The following CACNA1I variants were observed in gnomAD, a reference collection of about 807,000 sequenced individuals.
CACNA1I encodes calcium voltage-gated channel subunit alpha1 I, also known as voltage-dependent T-type calcium channel subunit alpha-1I.
A neutral mutation model predicts 201.6 loss-of-function variants in CACNA1I; 74 were observed. That is an observed-to-expected ratio of 0.37 (90% CI 0.30 to 0.45). The LOEUF is 0.45. Among genes scored for constraint, CACNA1I ranks in the 20% least tolerant of loss-of-function variants. The pLI, the probability that CACNA1I is intolerant of heterozygous loss-of-function variation, is 1.00. For missense variants in CACNA1I, 2,346 were observed against 3,138.1 expected, an observed-to-expected ratio of 0.75 and a Z score of 6.03; for synonymous variants, 1,431 against 1,345.2, an observed-to-expected ratio of 1.06 and a Z score of -1.40.
Position 39,617,525 on chromosome 22 carries a change from G to A in CACNA1I, c.483-1785G>A, listed in dbSNP as rs550482127. ...GCTGGAGCTGGGCCTGGCTGCCTGC[G>A]ATGGGACTCGGCAGTCCTGGGCCCC... On this transcript the variant is annotated intron_variant, in intron 3 of 36. Transcript: ENST00000402142. 3.3e-5 allele frequency among the ~76,000 whole-genome samples: 5 copies of A among 152,242 alleles called. No homozygotes were observed. The East Asian group carries it at 9.7e-4, about 29-fold the overall frequency.
At position 39,641,117 on chromosome 22, in the gene CACNA1I, G is replaced by A. The variant is rs747408421; in HGVS notation, c.991G>A (p.Ala331Thr). 15 of 1,613,892 alleles carry A rather than the reference G, an allele frequency of 9.3e-6. No homozygotes were observed. Among genetic ancestry groups the A allele is most frequent in the East Asian group, 4.5e-5 (2 of 44,872 alleles). ...RYYNVCRTGS[A>T]NPHKGAINFD... ...CTACAATGTGTGCCGCACGGGCAGC[G>A]CCAACCCCCACAAGGGTGCCATCAA... The change falls in exon 6 of 37, where the codon GCC becomes ACC. Residue 331 changes from alanine to threonine, a missense_variant. This residue lies in a region of CACNA1I where 227 missense variants were observed against 412.5 expected (regional missense o/e 0.55). Transcript: ENST00000402142.
intron 1 of CACNA1I, among the ~76,000 whole-genome samples, chr22:39,582,179 C>T (rs1053757174): frequency 6.6e-6 from 1 of 152,194 alleles, no homozygotes; most frequent in South Asian, 2.1e-4. Flanking sequence ...TATGGATTGA[C>T]TCTCCCCAAG....
chr22:39,678,979 G>A, intron 31 of CACNA1I, 128 bp from the exon 32 acceptor site: 1 of 699,630 alleles, frequency 1.4e-6, no homozygotes, highest in Non-Finnish European at 2.4e-6. Context: ...GGGCAGGGCA[G>A]CCCGGGGCCA....
intron 31 of CACNA1I, among the ~76,000 whole-genome samples, chr22:39,678,759 G>A (rs768747351): frequency 1.2e-4 from 18 of 152,308 alleles, no homozygotes; most frequent in South Asian, 6.2e-4. Flanking sequence ...GGGAGGCCCT[G>A]GTCACGAATG....
intron 7 of CACNA1I, 60 bp downstream of exon 7, chr22:39,642,949 G>A: frequency 8.3e-7 from 1 of 1,199,478 alleles, no homozygotes; most frequent in East Asian, 2.5e-5. Flanking sequence ...CAGGGGACCT[G>A]AGGAGGGAGG....
chr22:39,664,230 C>A, intron 20 of CACNA1I, 71 bp downstream of exon 20: 2 of 1,256,190 alleles, frequency 1.6e-6, no homozygotes, highest in Non-Finnish European at 2.3e-6. Context: ...CAGCCCCTGC[C>A]TCAGCTTGTC....
intron 1 of CACNA1I, among the ~76,000 whole-genome samples, chr22:39,585,713 A>G (rs1397051117): frequency 7.1e-6 from 1 of 141,632 alleles, no homozygotes; most frequent in East Asian, 2.2e-4. Flanking sequence ...AAAAAAAAAA[A>G]AAAAACTTTT....
rs1230527703 is a variant in CACNA1I at position 39,664,722 on chromosome 22, C to T, written c.3667-17C>T. ...CCCTCCCGCGGCAGCCTGACCCCGGCCCCACCCCCGCCCCAGGTAGTCTCG... is the reference window on the plus strand; with the variant it reads ...CCCTCCCGCGGCAGCCTGACCCCGGTCCCACCCCCGCCCCAGGTAGTCTCG... On this transcript the variant is annotated splice_polypyrimidine_tract_variant and intron_variant, in intron 20 of 36. Coordinates refer to ENST00000402142, the MANE Select transcript of CACNA1I (RefSeq NM_021096.4). 3 of 782,816 alleles carry T rather than the reference C, an allele frequency of 3.8e-6. No homozygotes were observed. Among genetic ancestry groups the T allele is most frequent in the Non-Finnish European group, 6.0e-6 (3 of 498,468 alleles). 48.5% of individuals were successfully genotyped at this position (782,816 alleles called of 1,614,324 possible). A position where few individuals can be genotyped will look rare whatever the true frequency, so the allele number is the denominator to read the frequency against.
rs193157582 is a variant in CACNA1I, at chr22:39,676,156, C to T, written c.4855-1185C>T. On this transcript the variant is annotated intron_variant, in intron 29 of 36. Coordinates refer to ENST00000402142, the MANE Select transcript of CACNA1I (RefSeq NM_021096.4). The surrounding 1 kb of genome is among the most constrained non-coding windows in gnomAD (Gnocchi z 4.8). ...AGGGGACAGATAGAAAAGCTGACGGCAATCCTGGTTAAGAGATGCTGCCCC... is the reference window on the plus strand; with the variant it reads ...AGGGGACAGATAGAAAAGCTGACGGTAATCCTGGTTAAGAGATGCTGCCCC... Among the ~76,000 whole-genome samples, 1 of 152,316 alleles carries T rather than the reference C, an allele frequency of 6.6e-6. No individual in the cohort carries two copies. The highest frequency in any genetic ancestry group is 1.5e-5 in the Non-Finnish European group (1 of 68,034).
At chr22:39,595,363 C>A (rs1298428843) in intron 1 of CACNA1I, among the ~76,000 whole-genome samples, 1 of 151,966 alleles carries the variant, frequency 6.6e-6, no homozygotes, top group African/African-American at 2.4e-5. Flanking sequence ...ATGGCTCATG[C>A]CTGTAATCCC....
Position 39,679,362 on chromosome 22 carries a change from G to A in CACNA1I, c.5311G>A (p.Ala1771Thr), listed in dbSNP as rs1332700938. 8.5e-6 allele frequency: 13 copies of A among 1,535,458 alleles called. No individual in the cohort carries two copies. The East Asian group carries it at 1.5e-4, about 18-fold the overall frequency. Residue 1771 changes from alanine to threonine, a missense_variant, in exon 32 of 37, where the codon GCC becomes ACC. Coordinates refer to ENST00000402142, the MANE Select transcript of CACNA1I (RefSeq NM_021096.4). ...GPRLPTGSPG[A>T]PGRGPGGAGG... The stretch of plus-strand genomic sequence containing the variant: ...GAGGCTGCCTACCGGCTCCCCGGGC[G>A]CCCCTGGCCGAGGGCCGGGAGGGGC...
chr22:39,644,984 G>A (rs536625150), intron 7 of CACNA1I, among the ~76,000 whole-genome samples: 3 of 151,846 alleles, frequency 2.0e-5, no homozygotes, highest in South Asian at 4.2e-4. Context: ...CGCAGCCCCC[G>A]GCCCCCAGTG....
rs964515718 is a variant in CACNA1I, at chr22:39,689,343, A to T, written c.*2938A>T. The T allele has an allele frequency of 3.3e-5, 5 of 152,738 alleles. No homozygotes were observed. The highest frequency in any genetic ancestry group is 2.6e-4 in the Admixed American group (4 of 15,274). The allele number at this position is 152,738 out of a possible 1,614,324, so 9.5% of individuals were successfully genotyped here. On this transcript the variant is annotated 3_prime_UTR_variant, in exon 37 of 37. Transcript: ENST00000402142. Reference sequence around the variant, plus strand: ...AAAGCCCGTCTGCTGTCTTCCCCCAAATCCTCAGCTCAGAGCCTTCCGCTT... The same window carrying T: ...AAAGCCCGTCTGCTGTCTTCCCCCATATCCTCAGCTCAGAGCCTTCCGCTT...
chr22:39,654,697 G>C (rs998870231), intron 10 of CACNA1I, among the ~76,000 whole-genome samples: 2 of 152,160 alleles, frequency 1.3e-5, no homozygotes, highest in Non-Finnish European at 2.9e-5. Context: ...AGCAGTCATG[G>C]AAGGCTTCCT....
At chr22:39,622,728 G>A (rs997188205) in intron 4 of CACNA1I, among the ~76,000 whole-genome samples, 1 of 145,712 alleles carries the variant, frequency 6.9e-6, no homozygotes, top group Middle Eastern at 3.5e-3. Context: ...GTGGGAGAGG[G>A]ACTGCTGGGC....
chr22:39,585,648 A>G (rs921997983), intron 1 of CACNA1I, among the ~76,000 whole-genome samples: 1 of 147,288 alleles, frequency 6.8e-6, no homozygotes, highest in African/African-American at 2.5e-5. Flanking sequence ...TCGGCCTCCC[A>G]AAGTGCTGGG....
At chr22:39,581,462 C>G (rs576907450) in intron 1 of CACNA1I, among the ~76,000 whole-genome samples, 39 of 152,252 alleles carry the variant, frequency 2.6e-4, no homozygotes, top group Non-Finnish European at 4.7e-4. Context: ...CGTTCCTGCT[C>G]CCAGCAGCTG....
chr22:39,584,103 A>C (rs779120941), intron 1 of CACNA1I, among the ~76,000 whole-genome samples: 1 of 152,116 alleles, frequency 6.6e-6, no homozygotes, highest in South Asian at 2.1e-4. Context: ...GCTGCCATGG[A>C]GGTGGGGGAT....
rs764180954 is a variant in CACNA1I at position 39,649,731 on chromosome 22, G to A, written c.1798G>A (p.Gly600Arg). The A allele has an allele frequency of 2.6e-5, 40 of 1,558,976 alleles. No homozygotes were observed. Among genetic ancestry groups the A allele is most frequent in the Middle Eastern group, 1.7e-4 (1 of 5,826 alleles). The change falls in exon 10 of 37, where the codon GGA (glycine) becomes AGA (arginine). Residue 600 changes from glycine to arginine, a missense_variant. Gly to Arg is a moderately radical substitution (Grantham distance 125, BLOSUM62 -2). Around this residue, in one of 13 missense-constraint regions of CACNA1I, gnomAD observed 312 missense variants for 331.5 expected, o/e 0.94. Transcript: ENST00000402142. This position sits in a 1 kb window ranked among gnomAD's most constrained non-coding sequence, Gnocchi z 7.3. Reference protein sequence around the residue: ...DGDGARSSEDGASSELGKEEE... With the variant: ...DGDGARSSEDRASSELGKEEE... ...GGACGGGGCCCGGAGCAGCGAGGACGGAGCCTCCTCAGAACTGGGGAAGGA... is the reference window on the plus strand; with the variant it reads ...GGACGGGGCCCGGAGCAGCGAGGACAGAGCCTCCTCAGAACTGGGGAAGGA...
Sources: gnomAD v4.1 joint callset for allele counts (sites outside exome capture counted in the v4.1 genomes callset) on GRCh38, gnomAD v4.1.1 for gene constraint, gnomAD v4.1.1 regional missense constraint, Gnocchi (gnomAD v3.1) non-coding constraint, MANE v1.5 for transcripts, NCBI Gene and HGNC (gene_info 2026-07-23, HGNC 2026-07-21) for gene names.